GRM4: variants seen among roughly 807,000 people sequenced by gnomAD.
The protein encoded by GRM4 is metabotropic glutamate receptor 4.
Under a neutral mutation model 81.7 loss-of-function variants are expected in GRM4, and 28 were observed. The observed-to-expected ratio is 0.34, with a 90% CI of 0.25 to 0.47. GRM4 has a LOEUF of 0.47. Ranked by LOEUF, GRM4 falls within the 20% of genes least tolerant of loss-of-function variation. The pLI is 1.00. For missense variants in GRM4, 948 were observed against 1,290.0 expected (o/e 0.73, Z 4.06); for synonymous variants, 488 against 528.8 (o/e 0.92, Z 1.06).
chr6:34,045,049 ACTC>A (rs1177482727), intron 6 of GRM4, among the ~76,000 whole-genome samples: 2 of 151,402 alleles, frequency 1.3e-5, no homozygotes, highest in Non-Finnish European at 2.9e-5. Context: ...CACCACACAC[ACTC>A]CTCAACTCTG....
chr6:34,059,153 C>T lies in GRM4; in HGVS notation c.873-25G>A. 5.0e-6 allele frequency: 8 copies of T among 1,611,610 alleles called. No homozygotes were observed. The highest frequency in any genetic ancestry group is 6.8e-6 in the Non-Finnish European group (8 of 1,178,952). Reference sequence around the variant, plus strand: ...CCTGTAGGAACATACACCAGCCCAGCCCAGCCGCGTCTGTCCACGAAACTG... The same window carrying T: ...CCTGTAGGAACATACACCAGCCCAGTCCAGCCGCGTCTGTCCACGAAACTG... On this transcript the variant is annotated intron_variant, in intron 4 of 10. Transcript: ENST00000538487. The surrounding 1 kb of genome is among the most constrained non-coding windows in gnomAD (Gnocchi z 5.7).
rs562896205 is a variant in GRM4, at chr6:34,090,412, T to C, written c.736+1471A>G. Among the ~76,000 whole-genome samples, 30 of 152,164 alleles carry C rather than the reference T, an allele frequency of 2.0e-4. 1 individual carries two copies. Among genetic ancestry groups the C allele is most frequent in the Admixed American group, 1.9e-3 (29 of 15,294 alleles). On this transcript the variant is annotated intron_variant, in intron 3 of 10. Transcript: ENST00000538487. The surrounding 1 kb of genome is among the most constrained non-coding windows in gnomAD (Gnocchi z 5.2). ...TGTCCAGAGGTAGGTGCCCAGGTCT[T>C]GGGTCTGAGCAAAGGAGGAAAGGAC...
chr6:34,081,130 C>T (rs764308814), intron 3 of GRM4, among the ~76,000 whole-genome samples: 8 of 152,206 alleles, frequency 5.3e-5, no homozygotes, highest in Non-Finnish European at 7.3e-5. Flanking sequence ...TTCCCACCTT[C>T]GAGCTCCAGA....
chr6:34,123,748 T>C (rs1561826973), intron 2 of GRM4, among the ~76,000 whole-genome samples: 1 of 152,156 alleles, frequency 6.6e-6, no homozygotes, highest in African/African-American at 2.4e-5. Context: ...ACAGAGAGGC[T>C]TTCCCAGGCA....
At position 34,124,177 on chromosome 6, in the gene GRM4, G is replaced by A. The variant is rs955446510; in HGVS notation, c.519+8801C>T. ...TTTGAAGGCCTTCTCCCTGATCCCC[G>A]GACTGTCTCGGACCCACATCTCAAG... is the stretch of plus-strand genomic sequence containing the variant. On this transcript the variant is annotated intron_variant, in intron 2 of 10. Coordinates refer to ENST00000538487, the MANE Select transcript of GRM4 (RefSeq NM_000841.4). 3.9e-5 allele frequency among the ~76,000 whole-genome samples: 6 copies of A among 152,244 alleles called. No individual in the cohort carries two copies. In the South Asian group the frequency reaches 1.0e-3, roughly 26 times the overall value.
intron 2 of GRM4, among the ~76,000 whole-genome samples, chr6:34,099,121 T>C (rs902193): frequency 0.86 from 130,185 of 152,188 alleles, 55,752 homozygotes; most frequent in South Asian, 0.89. Flanking sequence ...CAACCTCCCA[T>C]GGGCAAGGGA....
rs1415746570 is a variant in GRM4, at chr6:34,069,196, A to ACACG, written c.737-7169_737-7168insCGTG. Among the ~76,000 whole-genome samples the ACACG allele has an allele frequency of 1.4e-5, 2 of 144,654 alleles. No individual in the cohort carries two copies. Among genetic ancestry groups the ACACG allele is most frequent in the Non-Finnish European group, 3.0e-5 (2 of 67,704 alleles). The allele number at this position is 144,654 out of a possible 152,430, so 94.9% of individuals were successfully genotyped here. ...CACACACACACACACACACACACAC[A>ACACG]CACACACACGCACGCACACACGGCT... On this transcript the variant is annotated intron_variant, in intron 3 of 10. Coordinates refer to ENST00000538487, the MANE Select transcript of GRM4 (RefSeq NM_000841.4). The surrounding 1 kb of genome is among the most constrained non-coding windows in gnomAD (Gnocchi z 6.4).
In GRM4 at chr6:34,129,645, T is replaced by C. The variant is rs111883956; in HGVS notation, c.519+3333A>G. Reference sequence around the variant, plus strand: ...CTTCTGGTCCGCAACAGAGGCCTGTTCAAGTCCCACTTCTGACTCAGCTGT... The same window carrying C: ...CTTCTGGTCCGCAACAGAGGCCTGTCCAAGTCCCACTTCTGACTCAGCTGT... On this transcript the variant is annotated intron_variant, in intron 2 of 10. Coordinates refer to ENST00000538487, the MANE Select transcript of GRM4 (RefSeq NM_000841.4). 3.3e-3 allele frequency among the ~76,000 whole-genome samples: 507 copies of C among 152,264 alleles called. 2 individuals are homozygous for C. Among genetic ancestry groups the C allele is most frequent in the Middle Eastern group, 0.01 (3 of 292 alleles).
At chr6:34,141,917 G>T (rs1770710622) in intron 1 of GRM4, among the ~76,000 whole-genome samples, 1 of 152,192 alleles carries the variant, frequency 6.6e-6, no homozygotes, top group Non-Finnish European at 1.5e-5. Context: ...AGCAGGGAGA[G>T]GGAGCCCAGA....
chr6:34,099,349 A>C (rs1768707520), intron 2 of GRM4, among the ~76,000 whole-genome samples: 1 of 152,216 alleles, frequency 6.6e-6, no homozygotes, highest in Non-Finnish European at 1.5e-5. Context: ...ATGCAGGCCC[A>C]GAAGTCCAGG....
chr6:34,119,718 G>A (rs1027215157), intron 2 of GRM4, among the ~76,000 whole-genome samples: 11 of 152,218 alleles, frequency 7.2e-5, no homozygotes, highest in African/African-American at 2.7e-4. Context: ...TCCATCATGA[G>A]GAGACCAGAA....
At chr6:34,094,959 G>A (rs1275434706) in intron 2 of GRM4, among the ~76,000 whole-genome samples, 1 of 152,204 alleles carries the variant, frequency 6.6e-6, no homozygotes, top group African/African-American at 2.4e-5. Flanking sequence ...TGGACGGATG[G>A]ATGTCCGGGC....
In GRM4 at chr6:34,074,658, T is replaced by C. The variant is rs563432145; in HGVS notation, c.737-12630A>G. Among the ~76,000 whole-genome samples the C allele has an allele frequency of 2.6e-4, 40 of 152,306 alleles. No homozygotes were observed. Among genetic ancestry groups the C allele is most frequent in the African/African-American group, 8.4e-4 (35 of 41,548 alleles). ...GTGTGGCTCACAGCTGCATTATTCATGGCGCTAGGCTCTGAGCAGAGGGAA... is the reference window on the plus strand; with the variant it reads ...GTGTGGCTCACAGCTGCATTATTCACGGCGCTAGGCTCTGAGCAGAGGGAA... On this transcript the variant is annotated intron_variant, in intron 3 of 10. Transcript: ENST00000538487. This position sits in a 1 kb window ranked among gnomAD's most constrained non-coding sequence, Gnocchi z 4.9.
rs995737029 is a variant in GRM4 at position 34,136,278 on chromosome 6, C to T, written c.-363-2419G>A. Among the ~76,000 whole-genome samples the T allele has an allele frequency of 1.3e-5, 2 of 152,148 alleles. No individual in the cohort carries two copies. Among genetic ancestry groups the T allele is most frequent in the African/African-American group, 4.8e-5 (2 of 41,444 alleles). ...GAGCTTGTGCAGGCTGCCCGTGCCC[C>T]TGGCTGCTCCTCTGTGCTGGCCCAG... On this transcript the variant is annotated intron_variant, in intron 1 of 10. Transcript: ENST00000538487. This position sits in a 1 kb window ranked among gnomAD's most constrained non-coding sequence, Gnocchi z 4.1.
chr6:34,028,358 G>T lies in GRM4; in HGVS notation c.2451C>A (p.Ile817=). ...GTSQSADKLY[I]QTTTLTVSVS... is the part of the protein sequence containing the mutation. Reference sequence around the variant, plus strand: ...CCGAGACCGTCAGCGTCGTCGTCTGGATGTACAGCTGGCGGAGGGCACGGT... The same window carrying T: ...CCGAGACCGTCAGCGTCGTCGTCTGTATGTACAGCTGGCGGAGGGCACGGT... The change falls in exon 10 of 11, where the codon ATC becomes ATA. Residue 817 remains isoleucine, a synonymous_variant. Transcript: ENST00000538487. 1.2e-6 allele frequency: 2 copies of T among 1,609,728 alleles called. No homozygotes were observed. The highest frequency in any genetic ancestry group is 1.7e-6 in the Non-Finnish European group (2 of 1,179,702).
intron 2 of GRM4, among the ~76,000 whole-genome samples, chr6:34,112,048 G>A (rs1769405935): frequency 6.6e-6 from 1 of 152,062 alleles, no homozygotes; most frequent in South Asian, 2.1e-4. Flanking sequence ...GATCACTCCT[G>A]GAAAGCCCTG....
intron 2 of GRM4, among the ~76,000 whole-genome samples, chr6:34,108,892 C>T (rs1320204749): frequency 6.6e-6 from 1 of 152,148 alleles, no homozygotes; most frequent in Non-Finnish European, 1.5e-5. Context: ...CCTCGAGGTC[C>T]CCTCCCAGGT....
intron 3 of GRM4, among the ~76,000 whole-genome samples, chr6:34,082,933 A>T (rs1767681737): frequency 6.6e-6 from 1 of 152,168 alleles, no homozygotes; most frequent in Non-Finnish European, 1.5e-5. Context: ...ATCACTGGGG[A>T]AAAGGACCGG....
rs1372882859 is a variant in GRM4, at chr6:34,136,616, A to G, written c.-363-2757T>C. The stretch of plus-strand genomic sequence containing the variant: ...CACACACACACACACGGGGAAGGAC[A>G]GATGCCATGGGGGAAGGAGGCCTCC... On this transcript the variant is annotated intron_variant, in intron 1 of 10. Transcript: ENST00000538487. This position sits in a 1 kb window ranked among gnomAD's most constrained non-coding sequence, Gnocchi z 4.1. Among the ~76,000 whole-genome samples, 1 of 148,548 alleles carries G rather than the reference A, an allele frequency of 6.7e-6. No individual in the cohort carries two copies. The highest frequency in any genetic ancestry group is 2.5e-5 in the African/African-American group (1 of 40,430).
Sources: allele counts gnomAD v4.1 joint callset (sites outside exome capture counted in the v4.1 genomes callset), GRCh38; gene constraint gnomAD v4.1.1; non-coding constraint Gnocchi (gnomAD v3.1); transcripts MANE v1.5; gene names NCBI Gene and HGNC (gene_info 2026-07-23, HGNC 2026-07-21).